LRRC4C: variants seen among roughly 807,000 people sequenced by gnomAD.
LRRC4C encodes the protein leucine rich repeat containing 4C, also known as leucine-rich repeat-containing protein 4C.
Under a neutral mutation model 33.6 loss-of-function variants are expected in LRRC4C, and 5 were observed. That is an observed-to-expected ratio of 0.15 (90% CI 0.08 to 0.31). LRRC4C has a LOEUF of 0.31. LRRC4C is among the 10% of genes least tolerant of loss of function. LRRC4C has a pLI of 1.00. For synonymous variants in LRRC4C, 329 were observed against 302.0 expected (o/e 1.09, Z -0.93); for missense variants, 560 against 796.7 (o/e 0.70, Z 3.58).
At chr11:40,630,338 CT>C (rs1440131597) in intron 3 of LRRC4C, among the ~76,000 whole-genome samples, 1 of 22,980 alleles carries the variant, frequency 4.4e-5, no homozygotes, top group Non-Finnish European at 1.4e-4. Flanking sequence ...TCCTCTTCTT[CT>C]TCTTCTTCTT....
chr11:41,028,848 A>G (rs574366443), intron 1 of LRRC4C, among the ~76,000 whole-genome samples: 1 of 151,628 alleles, frequency 6.6e-6, no homozygotes, highest in Non-Finnish European at 1.5e-5. Context: ...ATTTTCCTAT[A>G]AATTATTTTA....
chr11:41,290,362 A>G (rs1949956233), intron 1 of LRRC4C, among the ~76,000 whole-genome samples: 1 of 152,198 alleles, frequency 6.6e-6, no homozygotes, highest in African/African-American at 2.4e-5. Flanking sequence ...GAATATCTGT[A>G]GAAGAATAAG....
intron 2 of LRRC4C, among the ~76,000 whole-genome samples, chr11:40,731,501 G>A (rs11036042): frequency 0.37 from 56,773 of 151,810 alleles, 10,921 homozygotes; most frequent in African/African-American, 0.4. Flanking sequence ...ACAGAACCAT[G>A]AGCCAATTAA....
At position 40,420,162 on chromosome 11, in the gene LRRC4C, C is replaced by T. The variant is rs559973186; in HGVS notation, c.-269-100441G>A. ...GCAAAGGCAAATAGTTGGTGGTGAC[C>T]GTTAGAAAGCTTCACAGATCTCAGA... is the stretch of plus-strand genomic sequence containing the variant. On this transcript the variant is annotated intron_variant, in intron 3 of 6. Transcript: ENST00000528697. Among the ~76,000 whole-genome samples, 6 of 152,186 alleles carry T rather than the reference C, an allele frequency of 3.9e-5. No individual in the cohort carries two copies. In the South Asian group the frequency reaches 8.3e-4, roughly 21 times the overall value.
At chr11:40,314,588 A>C (rs73459244) in intron 4 of LRRC4C, among the ~76,000 whole-genome samples, 10,853 of 152,206 alleles carry the variant, frequency 0.071, 446 homozygotes, top group African/African-American at 0.079. Context: ...AGGAAGAGAC[A>C]TCTACATTCC....
At chr11:41,385,377 C>T (rs994219446) in intron 1 of LRRC4C, among the ~76,000 whole-genome samples, 16 of 151,284 alleles carry the variant, frequency 1.1e-4, no homozygotes, top group African/African-American at 3.6e-4. Flanking sequence ...AACAACAAAT[C>T]GCAACAAATC....
At chr11:40,289,033 G>A (rs925773448) in intron 4 of LRRC4C, among the ~76,000 whole-genome samples, 3 of 151,978 alleles carry the variant, frequency 2.0e-5, no homozygotes, top group Non-Finnish European at 4.4e-5. Flanking sequence ...TATACTCTTA[G>A]AAGAAAGTCA....
chr11:40,832,180 C>T (rs1174814359), intron 2 of LRRC4C, among the ~76,000 whole-genome samples: 1 of 151,914 alleles, frequency 6.6e-6, no homozygotes, highest in Non-Finnish European at 1.5e-5. Flanking sequence ...TAGTGTACAC[C>T]ATTGCAATAC....
chr11:40,923,425 G>T (rs1471373976), intron 2 of LRRC4C, among the ~76,000 whole-genome samples: 1 of 152,096 alleles, frequency 6.6e-6, no homozygotes, highest in Non-Finnish European at 1.5e-5. Flanking sequence ...AGTGTATATT[G>T]CTTTGACCAA....
At chr11:40,804,267 A>G (rs1231514282) in intron 2 of LRRC4C, among the ~76,000 whole-genome samples, 1 of 152,178 alleles carries the variant, frequency 6.6e-6, no homozygotes, top group East Asian at 1.9e-4. Context: ...TGATAGCTGT[A>G]TCTATATACT....
chr11:41,304,540 C>T lies in LRRC4C; in HGVS notation c.-496+154891G>A, dbSNP rs542333747. ...GAGGGAGGTGGGGGTATCAGCCCCC[C>T]GCCCGGCCAGCCGCCCCGTCTGGGA... On this transcript the variant is annotated intron_variant, in intron 1 of 6. Coordinates refer to ENST00000528697, the MANE Select transcript of LRRC4C (RefSeq NM_001258419.2). 2.4e-3 allele frequency among the ~76,000 whole-genome samples: 261 copies of T among 108,480 alleles called. 3 individuals are homozygous for T. The highest frequency in any genetic ancestry group is 8.2e-3 in the African/African-American group (227 of 27,648). The allele number at this position is 108,480 out of a possible 152,430, so 71.2% of individuals were successfully genotyped here. A position where few individuals can be genotyped will look rare whatever the true frequency, so the allele number is the denominator to read the frequency against.
At chr11:40,670,792 A>C (rs182660762) in intron 2 of LRRC4C, among the ~76,000 whole-genome samples, 2 of 152,086 alleles carry the variant, frequency 1.3e-5, no homozygotes, top group Non-Finnish European at 2.9e-5. Flanking sequence ...GAGACGGAGC[A>C]TCGCTCTGTC....
At chr11:40,983,216 C>T (rs1838481261) in intron 1 of LRRC4C, among the ~76,000 whole-genome samples, 2 of 152,090 alleles carry the variant, frequency 1.3e-5, no homozygotes, top group South Asian at 2.1e-4. Flanking sequence ...GGTCAAATTT[C>T]TGTCCTTAGG....
At chr11:41,062,796 TAAAA>T (rs1937890146) in intron 1 of LRRC4C, among the ~76,000 whole-genome samples, 1 of 152,086 alleles carries the variant, frequency 6.6e-6, no homozygotes, top group African/African-American at 2.4e-5. Context: ...CTGACATCCT[TAAAA>T]GAAGACACAA....
At chr11:40,724,010 CAAAG>C (rs745478131) in intron 2 of LRRC4C, among the ~76,000 whole-genome samples, 2 of 151,610 alleles carry the variant, frequency 1.3e-5, no homozygotes, top group Non-Finnish European at 2.9e-5. Context: ...AAAAAAAAGA[CAAAG>C]AAGGTTATTA....
chr11:40,514,398 C>A (rs1227746185), intron 3 of LRRC4C, among the ~76,000 whole-genome samples: 2 of 151,990 alleles, frequency 1.3e-5, no homozygotes, highest in Non-Finnish European at 2.9e-5. Flanking sequence ...GCTCTATGGC[C>A]TTGAGCAAGT....
At chr11:40,464,767 A>G (rs1164618643) in intron 3 of LRRC4C, among the ~76,000 whole-genome samples, 2 of 151,916 alleles carry the variant, frequency 1.3e-5, no homozygotes, top group South Asian at 2.1e-4. Context: ...AGGATGAAAG[A>G]TCTCCACAGA....
At chr11:40,666,863 A>G (rs532505288) in intron 2 of LRRC4C, among the ~76,000 whole-genome samples, 11 of 152,330 alleles carry the variant, frequency 7.2e-5, no homozygotes, top group African/African-American at 2.6e-4. Flanking sequence ...CAGTTAAAAT[A>G]ACAACTTCCT....
intron 2 of LRRC4C, among the ~76,000 whole-genome samples, chr11:40,654,097 G>C (rs1216702155): frequency 6.6e-6 from 1 of 152,226 alleles, no homozygotes; most frequent in African/African-American, 2.4e-5. Flanking sequence ...TGCATGTCCA[G>C]AGACAAGTTT....
Sources: allele counts gnomAD v4.1 joint callset (sites outside exome capture counted in the v4.1 genomes callset), GRCh38; gene constraint gnomAD v4.1.1; transcripts MANE v1.5; gene names NCBI Gene and HGNC (gene_info 2026-07-23, HGNC 2026-07-21).